SBF2: variants seen among roughly 807,000 people sequenced by gnomAD.
The protein encoded by SBF2 is myotubularin-related protein 13.
Under a neutral mutation model 225.2 loss-of-function variants are expected in SBF2, and 112 were observed. The ratio of observed to expected loss-of-function variants is 0.50; its 90% CI spans 0.43 to 0.58. The LOEUF is 0.58. Among genes scored for constraint, SBF2 ranks in the 20% least tolerant of loss-of-function variants. The pLI, the probability that SBF2 is intolerant of heterozygous loss-of-function variation, is 0.00. For missense variants in SBF2, 1,996 were observed against 2,206.2 expected, an observed-to-expected ratio of 0.90 and a Z score of 1.91; for synonymous variants, 763 against 773.3, an observed-to-expected ratio of 0.99 and a Z score of 0.22.
At chr11:9,970,175 C>T (rs1168885306) in intron 13 of SBF2, among the ~76,000 whole-genome samples, 2 of 151,822 alleles carry the variant, frequency 1.3e-5, no homozygotes, top group African/African-American at 4.8e-5. Flanking sequence ...GTTATTCATG[C>T]TGTAGATTAA....
chr11:10,072,712 C>T (rs1381207120), intron 2 of SBF2, among the ~76,000 whole-genome samples: 2 of 150,038 alleles, frequency 1.3e-5, no homozygotes, highest in Non-Finnish European at 1.5e-5. Flanking sequence ...CAAAAAAATC[C>T]AGTGGAATCT....
At chr11:10,124,891 G>A (rs1170022454) in intron 2 of SBF2, among the ~76,000 whole-genome samples, 3 of 151,960 alleles carry the variant, frequency 2.0e-5, no homozygotes, top group African/African-American at 7.3e-5. Flanking sequence ...GATCACCTGA[G>A]GTCAGGAGTT....
At chr11:9,870,029 C>T (rs1482187347) in intron 17 of SBF2, among the ~76,000 whole-genome samples, 2 of 152,062 alleles carry the variant, frequency 1.3e-5, no homozygotes, top group African/African-American at 4.8e-5. Context: ...AATCAATGTG[C>T]AAAAATCAGT....
intron 5 of SBF2, among the ~76,000 whole-genome samples, chr11:10,029,512 C>T (rs1210896469): frequency 6.6e-6 from 1 of 152,098 alleles, no homozygotes; most frequent in Non-Finnish European, 1.5e-5. Flanking sequence ...TCAAGTTACA[C>T]AAAATATGAC....
chr11:10,265,849 C>G (rs1207058185), intron 1 of SBF2, among the ~76,000 whole-genome samples: 3 of 147,454 alleles, frequency 2.0e-5, no homozygotes, highest in African/African-American at 7.5e-5. Flanking sequence ...ACCACCAGGC[C>G]AGGCTAATTG....
intron 6 of SBF2, among the ~76,000 whole-genome samples, chr11:10,004,574 T>TA (rs763688115): frequency 0.02 from 1,698 of 85,516 alleles, 35 homozygotes; most frequent in African/African-American, 0.036. Flanking sequence ...CTACAAAAAT[T>TA]AAAAAAAAAA....
At chr11:10,021,347 A>T (rs1948849986) in intron 6 of SBF2, among the ~76,000 whole-genome samples, 2 of 152,226 alleles carry the variant, frequency 1.3e-5, no homozygotes, top group African/African-American at 4.8e-5. Context: ...AGTTCCTGTG[A>T]ATACAAACTT....
At chr11:10,175,755 C>G (rs1829525363) in intron 2 of SBF2, among the ~76,000 whole-genome samples, 1 of 151,938 alleles carries the variant, frequency 6.6e-6, no homozygotes, top group African/African-American at 2.4e-5. Flanking sequence ...TGACCACATA[C>G]TTGGAAGTAA....
At chr11:10,196,131 T>C (rs1957347557) in intron 1 of SBF2, among the ~76,000 whole-genome samples, 1 of 152,228 alleles carries the variant, frequency 6.6e-6, no homozygotes, top group Admixed American at 6.5e-5. Context: ...GCAAGCTTAC[T>C]TCCTTTCAGT....
At chr11:9,826,690 A>C (rs1022594903) in intron 28 of SBF2, among the ~76,000 whole-genome samples, 3 of 151,512 alleles carry the variant, frequency 2.0e-5, no homozygotes, top group South Asian at 2.1e-4. Flanking sequence ...CAGAAACAAG[A>C]TTACTTACTT....
chr11:9,923,684 C>T (rs1180607088), intron 16 of SBF2, among the ~76,000 whole-genome samples: 1 of 152,136 alleles, frequency 6.6e-6, no homozygotes, highest in African/African-American at 2.4e-5. Context: ...CTGTGAATTG[C>T]AGGAGGAAGG....
At chr11:10,132,710 T>C (rs191233691) in intron 2 of SBF2, among the ~76,000 whole-genome samples, 8 of 148,252 alleles carry the variant, frequency 5.4e-5, no homozygotes, top group East Asian at 2.2e-4. Flanking sequence ...GCTTCCACAG[T>C]GTGGAAGGGG....
In SBF2 at chr11:10,090,647, C is replaced by T. The variant is rs573423413; in HGVS notation, c.142-47666G>A. Among the ~76,000 whole-genome samples, 4 of 151,884 alleles carry T rather than the reference C, an allele frequency of 2.6e-5. No individual in the cohort carries two copies. The East Asian group carries it at 7.7e-4, about 29-fold the overall frequency. ...GGGTGTGGTCACACACGCCTGTAGT[C>T]CCAGCTACTCAGGAGGCTGAGGCAG... On this transcript the variant is annotated intron_variant, in intron 2 of 39. Coordinates refer to ENST00000256190, the MANE Select transcript of SBF2 (RefSeq NM_030962.4).
chr11:10,114,172 T>C (rs930609340), intron 2 of SBF2, among the ~76,000 whole-genome samples: 3 of 152,150 alleles, frequency 2.0e-5, no homozygotes, highest in African/African-American at 7.2e-5. Flanking sequence ...ACTGAAGGAA[T>C]TAAATTAGAT....
At chr11:10,044,247 G>GA (rs770422545) in intron 2 of SBF2, among the ~76,000 whole-genome samples, 6,370 of 124,052 alleles carry the variant, frequency 0.051, 244 homozygotes, top group African/African-American at 0.12. Context: ...GGCTAATTAA[G>GA]AAAAAAAAAA....
chr11:9,801,540 T>TCAA (rs1294739060), intron 32 of SBF2, among the ~76,000 whole-genome samples: 2 of 152,210 alleles, frequency 1.3e-5, no homozygotes, highest in African/African-American at 4.8e-5. Flanking sequence ...ACACTATACA[T>TCAA]CAACACGTGA....
At chr11:10,239,076 A>G (rs1959174643) in intron 1 of SBF2, among the ~76,000 whole-genome samples, 1 of 150,878 alleles carries the variant, frequency 6.6e-6, no homozygotes, top group African/African-American at 2.4e-5. Context: ...ATGTGTATAT[A>G]CATGTATAAT....
At chr11:9,830,745 C>CAAAAAAA (rs553674434) in intron 27 of SBF2, among the ~76,000 whole-genome samples, 33 of 110,904 alleles carry the variant, frequency 3.0e-4, no homozygotes, top group African/African-American at 6.0e-4. Context: ...AGCTCAAAAA[C>CAAAAAAA]AAAAAAAAAA....
At chr11:9,829,298 G>A (rs1358626475) in intron 28 of SBF2, 58 bp downstream of exon 28, 4 of 1,556,374 alleles carry the variant, frequency 2.6e-6, no homozygotes, top group Non-Finnish European at 3.5e-6. Context: ...ATAACCCTAG[G>A]AACAGAACTG....
Sources: gnomAD v4.1 joint callset for allele counts (sites outside exome capture counted in the v4.1 genomes callset) on GRCh38, gnomAD v4.1.1 for gene constraint, MANE v1.5 for transcripts, NCBI Gene and HGNC (gene_info 2026-07-23, HGNC 2026-07-21) for gene names.